The following HS6ST3 variants were observed in gnomAD, a reference collection of about 807,000 sequenced individuals.
The protein encoded by HS6ST3 is heparan-sulfate 6-O-sulfotransferase 3.
HS6ST3 carries 12 observed loss-of-function variants against 36.7 expected under a neutral mutation model. The ratio of observed to expected loss-of-function variants is 0.33; its 90% CI spans 0.21 to 0.53. The LOEUF is 0.53. Among genes scored for constraint, HS6ST3 ranks in the 20% least tolerant of loss-of-function variants. The pLI, the probability that HS6ST3 is intolerant of heterozygous loss-of-function variation, is 0.95. For missense variants in HS6ST3, 584 were observed against 640.9 expected (o/e 0.91, Z 0.96); for synonymous variants, 240 against 257.5 (o/e 0.93, Z 0.65).
intron 1 of HS6ST3, among the ~76,000 whole-genome samples, chr13:96,763,491 A>C (rs1877018996): frequency 2.0e-5 from 3 of 150,222 alleles, no homozygotes; most frequent in Non-Finnish European, 4.4e-5. Flanking sequence ...ACTCTGTCTC[A>C]AAAAAAATTA....
intron 1 of HS6ST3, among the ~76,000 whole-genome samples, chr13:96,569,507 A>G (rs1816561202): frequency 6.6e-6 from 1 of 152,192 alleles, no homozygotes; most frequent in South Asian, 2.1e-4. Context: ...ATGAGAAAAT[A>G]CTTTCCCATG....
intron 1 of HS6ST3, among the ~76,000 whole-genome samples, chr13:96,427,745 TTGTC>T (rs902986096): frequency 6.6e-6 from 1 of 152,184 alleles, no homozygotes; most frequent in Non-Finnish European, 1.5e-5. Context: ...TAAAGATCCT[TTGTC>T]TGTTCCAGGA....
chr13:96,686,417 A>T (rs1874781359), intron 1 of HS6ST3, among the ~76,000 whole-genome samples: 1 of 152,036 alleles, frequency 6.6e-6, no homozygotes, highest in Non-Finnish European at 1.5e-5. Flanking sequence ...CCATCTAAAA[A>T]AGTGCCTTGA....
chr13:96,511,328 A>T (rs1049120002), intron 1 of HS6ST3, among the ~76,000 whole-genome samples: 1 of 152,080 alleles, frequency 6.6e-6, no homozygotes, highest in African/African-American at 2.4e-5. Context: ...TAGCTACTTT[A>T]TGCTCCAGGA....
At chr13:96,170,956 C>A (rs552431115) in intron 1 of HS6ST3, among the ~76,000 whole-genome samples, 1 of 152,248 alleles carries the variant, frequency 6.6e-6, no homozygotes, top group South Asian at 2.1e-4. Flanking sequence ...CGCACGTAGG[C>A]CAATTGGATT....
chr13:96,609,231 A>G (rs1022770633), intron 1 of HS6ST3, among the ~76,000 whole-genome samples: 23 of 152,146 alleles, frequency 1.5e-4, no homozygotes, highest in African/African-American at 5.3e-4. Context: ...TGGCCTCCCA[A>G]AGTGCTGGGA....
intron 1 of HS6ST3, among the ~76,000 whole-genome samples, chr13:96,173,716 T>TTTACTTAG (rs1442113289): frequency 6.7e-6 from 1 of 148,704 alleles, no homozygotes; most frequent in Admixed American, 6.7e-5. Context: ...GATAGTAATA[T>TTTACTTAG]TTACTTAGTT....
chr13:96,108,879 G>T (rs1594678956), intron 1 of HS6ST3, among the ~76,000 whole-genome samples: 1 of 152,164 alleles, frequency 6.6e-6, no homozygotes, highest in East Asian at 1.9e-4. Context: ...CCCATCAGGT[G>T]CATGGGAACT....
intron 1 of HS6ST3, among the ~76,000 whole-genome samples, chr13:96,434,365 G>A (rs1294800265): frequency 6.6e-6 from 1 of 152,098 alleles, no homozygotes; most frequent in Non-Finnish European, 1.5e-5. Context: ...TTATTTTGCT[G>A]TTCATCAATG....
At chr13:96,784,524 T>G (rs1266596297) in intron 1 of HS6ST3, among the ~76,000 whole-genome samples, 7 of 152,340 alleles carry the variant, frequency 4.6e-5, no homozygotes, top group Middle Eastern at 3.4e-3. Context: ...ATCATTATTT[T>G]TTGTGAGCAG....
intron 1 of HS6ST3, among the ~76,000 whole-genome samples, chr13:96,765,065 T>C (rs1336704795): frequency 2.9e-4 from 40 of 136,360 alleles, no homozygotes; most frequent in Admixed American, 4.3e-4. Flanking sequence ...TCTTTCTTTT[T>C]TTTTTTTTTT....
At chr13:96,338,315 G>C (rs1046884741) in intron 1 of HS6ST3, among the ~76,000 whole-genome samples, 2 of 152,098 alleles carry the variant, frequency 1.3e-5, no homozygotes, top group Admixed American at 6.5e-5. Flanking sequence ...TCAGTGCACC[G>C]GGGAAAGGTG....
rs188731719 is a variant in HS6ST3, at chr13:96,706,993, G to A, written c.708-125497G>A. 1.7e-3 allele frequency among the ~76,000 whole-genome samples: 257 copies of A among 152,260 alleles called. 3 individuals carry two copies. The highest frequency in any genetic ancestry group is 2.1e-3 in the Non-Finnish European group (142 of 68,024). ...TATGTTTCTTTCCAATGTGAAATCAGACTAATACAACATGCAAACACACAT... is the reference window on the plus strand; with the variant it reads ...TATGTTTCTTTCCAATGTGAAATCAAACTAATACAACATGCAAACACACAT... On this transcript the variant is annotated intron_variant, in intron 1 of 1. Transcript: ENST00000376705.
intron 1 of HS6ST3, among the ~76,000 whole-genome samples, chr13:96,488,536 G>T (rs2055927730): frequency 6.6e-6 from 1 of 152,046 alleles, no homozygotes; most frequent in Non-Finnish European, 1.5e-5. Context: ...TTCTGATTGA[G>T]TGTCCATGGA....
intron 1 of HS6ST3, among the ~76,000 whole-genome samples, chr13:96,664,365 T>A (rs1458866820): frequency 6.6e-6 from 1 of 152,200 alleles, no homozygotes; most frequent in Non-Finnish European, 1.5e-5. Context: ...ATCACTGTAA[T>A]TTTTATATTG....
chr13:96,720,371 C>G (rs1875812881), intron 1 of HS6ST3, among the ~76,000 whole-genome samples: 2 of 152,134 alleles, frequency 1.3e-5, no homozygotes, highest in Non-Finnish European at 2.9e-5. Context: ...TGCCTCTTCT[C>G]TAGTCTGAAT....
chr13:96,761,784 G>A (rs1313286957), intron 1 of HS6ST3, among the ~76,000 whole-genome samples: 2 of 151,890 alleles, frequency 1.3e-5, no homozygotes, highest in Non-Finnish European at 2.9e-5. Context: ...TTGTTTTTAC[G>A]CAGTTCCATC....
intron 1 of HS6ST3, among the ~76,000 whole-genome samples, chr13:96,456,566 TTAAAA>T (rs1289348375): frequency 1.3e-5 from 2 of 152,170 alleles, no homozygotes; most frequent in African/African-American, 4.8e-5. Context: ...ACACATGCCC[TTAAAA>T]TATCAGCCCT....
intron 1 of HS6ST3, among the ~76,000 whole-genome samples, chr13:96,811,036 TA>T (rs1303592088): frequency 6.6e-6 from 1 of 151,790 alleles, no homozygotes; most frequent in East Asian, 1.9e-4. Flanking sequence ...TGGGTCTGTT[TA>T]GGACAAGTGA....
Sources: allele counts gnomAD v4.1 joint callset (sites outside exome capture counted in the v4.1 genomes callset), GRCh38; gene constraint gnomAD v4.1.1; transcripts MANE v1.5; gene names NCBI Gene and HGNC (gene_info 2026-07-23, HGNC 2026-07-21).